Variants in UTP18 observed in about 807,000 individuals in gnomAD.
UTP18 encodes U3 small nucleolar RNA-associated protein 18 homolog.
Under a neutral mutation model 61.1 loss-of-function variants are expected in UTP18, and 36 were observed. The observed-to-expected ratio is 0.59, with a 90% confidence interval of 0.45 to 0.78. The LOEUF (loss-of-function observed/expected upper bound fraction) is 0.78, where lower values mean the gene tolerates loss of function less well. Among genes scored for constraint, UTP18 ranks in the 30% least tolerant of loss-of-function variants. The pLI is 0.00. For missense variants in UTP18, 753 were observed against 693.9 expected (o/e 1.09, Z -0.96); for synonymous variants, 282 against 251.1 (o/e 1.12, Z -1.16).
chr17:51,280,123 C>T lies in UTP18; in HGVS notation c.1113+18C>T. The stretch of plus-strand genomic sequence containing the variant: ...CAATGAAGGTAAAGCATTATTATTG[C>T]TTCTTGTTCTTCTCCCACAAGACAC... On this transcript the variant is annotated intron_variant, in intron 8 of 13. Coordinates refer to ENST00000225298, the MANE Select transcript of UTP18 (RefSeq NM_016001.3). The T allele has an allele frequency of 6.2e-7, 1 of 1,602,668 alleles. No homozygotes were observed. The highest frequency in any genetic ancestry group is 1.1e-5 in the South Asian group (1 of 90,102).
chr17:51,293,724 A>C (rs1905290444), intron 11 of UTP18, among the ~76,000 whole-genome samples, 179 bp from the exon 12 acceptor site: 1 of 152,190 alleles, frequency 6.6e-6, no homozygotes, highest in African/African-American at 2.4e-5. Flanking sequence ...AAAATAAAGT[A>C]ATAAAAAAAG....
rs1904704306 is a variant in UTP18 at position 51,275,887 on chromosome 17, A to G, written c.733A>G (p.Asn245Asp). 10 of 1,605,474 alleles carry G rather than the reference A, an allele frequency of 6.2e-6. No individual in the cohort carries two copies. The highest frequency in any genetic ancestry group is 1.3e-5 in the African/African-American group (1 of 74,412). ...ILKMKNCQHANAERPTVARIS... is the reference protein window; with the variant it reads ...ILKMKNCQHADAERPTVARIS... ...ATAGATGAAGAACTGCCAGCATGCG[A>G]ATGCTGAACGTCCTACTGTTGCTCG... is the stretch of plus-strand genomic sequence containing the variant. The change falls in exon 6 of 14, where the codon AAT (asparagine) becomes GAT (aspartate). Residue 245 changes from asparagine to aspartate, a missense_variant. Transcript: ENST00000225298.
intron 9 of UTP18, among the ~76,000 whole-genome samples, chr17:51,282,043 C>G (rs1904946602): frequency 6.6e-6 from 1 of 152,168 alleles, no homozygotes; most frequent in Non-Finnish European, 1.5e-5. Flanking sequence ...TCTGACTTCC[C>G]TAAGACTTGT....
chr17:51,280,040 T>A lies in UTP18; in HGVS notation c.1048T>A (p.Ser350Thr). The change falls in exon 8 of 14, where the codon TCC becomes ACC. Residue 350 changes from serine (S) to threonine (T), a missense_variant. Physicochemically the swap from Ser to Thr is moderately conservative, Grantham distance 58. Transcript: ENST00000225298. ...GAAGATAGTGAGGAGCTTTGAAGTC[T>A]CCCCAGATGGGTCCTTCTTGCTCAT... Reference protein sequence around the residue: ...KEKIVRSFEVSPDGSFLLING... With the variant: ...KEKIVRSFEVTPDGSFLLING... 1 of 1,613,926 alleles carries A rather than the reference T, an allele frequency of 6.2e-7. No homozygotes were observed. Among genetic ancestry groups the A allele is most frequent in the Non-Finnish European group, 8.5e-7 (1 of 1,179,914 alleles).
At chr17:51,269,807 T>G (rs1351766669) in intron 4 of UTP18, among the ~76,000 whole-genome samples, 1 of 151,992 alleles carries the variant, frequency 6.6e-6, no homozygotes, top group African/African-American at 2.4e-5. Flanking sequence ...CTTTTCTACA[T>G]TATCCTCTGC....
Position 51,272,513 on chromosome 17 carries a change from G to C in UTP18, c.623-849G>C, listed in dbSNP as rs544129362. Among the ~76,000 whole-genome samples, 6 of 152,008 alleles carry C rather than the reference G, an allele frequency of 3.9e-5. No homozygotes were observed. In the South Asian group the frequency reaches 1.0e-3, roughly 26 times the overall value. ...AAGTTATCTTGTCAATATTTGCCTGGTTATATTTCATTGAGTGGTGGACAT... is the reference window on the plus strand; with the variant it reads ...AAGTTATCTTGTCAATATTTGCCTGCTTATATTTCATTGAGTGGTGGACAT... On this transcript the variant is annotated intron_variant, in intron 4 of 13. Coordinates refer to ENST00000225298, the MANE Select transcript of UTP18 (RefSeq NM_016001.3).
At chr17:51,296,255 G>A (rs1905366289) in intron 12 of UTP18, 1 of 152,188 alleles carries the variant, frequency 6.6e-6, no homozygotes, top group Admixed American at 6.5e-5. Context: ...CTTGCTCCTT[G>A]TGTTGGTAGT....
intron 10 of UTP18, among the ~76,000 whole-genome samples, chr17:51,285,629 A>G (rs149375989): frequency 2.6e-5 from 4 of 152,336 alleles, no homozygotes; most frequent in Non-Finnish European, 5.9e-5. Flanking sequence ...TCTGAAATCT[A>G]TGTAAGATAT....
chr17:51,278,350 A>C (rs563284903), intron 7 of UTP18, among the ~76,000 whole-genome samples: 2 of 152,312 alleles, frequency 1.3e-5, no homozygotes, highest in South Asian at 4.1e-4. Flanking sequence ...AAAAGTCTTA[A>C]ACCATCTTCT....
intron 5 of UTP18, among the ~76,000 whole-genome samples, chr17:51,274,211 G>T (rs1041451933): frequency 1.3e-5 from 2 of 152,008 alleles, no homozygotes; most frequent in African/African-American, 4.8e-5. Flanking sequence ...AGTCCTAATG[G>T]CTAGCTCATT....
At position 51,266,247 on chromosome 17, in the gene UTP18, C is replaced by T. The variant is rs539214309; in HGVS notation, c.521C>T (p.Ser174Leu). 11 of 1,599,444 alleles carry T rather than the reference C, an allele frequency of 6.9e-6. No homozygotes were observed. The highest frequency in any genetic ancestry group is 2.7e-5 in the African/African-American group (2 of 74,084). The part of the protein sequence containing the change: ...MMKNASESKL[S>L]KDNLKKRLKE... Reference sequence around the variant, plus strand: ...AAAAATGCTAGTGAAAGTAAACTTTCGAAAGACAACCTTAAAAAGAGACTT... The same window carrying T: ...AAAAATGCTAGTGAAAGTAAACTTTTGAAAGACAACCTTAAAAAGAGACTT... Residue 174 changes from serine (S) to leucine (L), a missense_variant, in exon 3 of 14, where the codon TCG becomes TTG. Physicochemically the swap from Ser to Leu is moderately radical, Grantham distance 145. Coordinates refer to ENST00000225298, the MANE Select transcript of UTP18 (RefSeq NM_016001.3).
intron 1 of UTP18, among the ~76,000 whole-genome samples, chr17:51,263,008 C>T (rs562670700): frequency 6.6e-6 from 1 of 152,318 alleles, no homozygotes; most frequent in Non-Finnish European, 1.5e-5. Flanking sequence ...TCTTGTCTTA[C>T]TTGGTGTTTT....
At chr17:51,287,971 G>C (rs1905156447) in intron 10 of UTP18, 58 bp from the exon 11 acceptor site, 5 of 1,310,152 alleles carry the variant, frequency 3.8e-6, no homozygotes, top group Non-Finnish European at 5.1e-6. Flanking sequence ...TATTCACTTA[G>C]GTTGTGAAAG....
Position 51,280,047 on chromosome 17 carries a change from A to T in UTP18, c.1055A>T (p.Asp352Val), listed in dbSNP as rs1299555988. The T allele has an allele frequency of 6.2e-7, 1 of 1,613,916 alleles. No homozygotes were observed. Among genetic ancestry groups the T allele is most frequent in the African/African-American group, 1.3e-5 (1 of 74,918 alleles). Residue 352 changes from aspartate to valine, a missense_variant, in exon 8 of 14, where the codon GAT becomes GTT. Coordinates refer to ENST00000225298, the MANE Select transcript of UTP18 (RefSeq NM_016001.3). ...GTGAGGAGCTTTGAAGTCTCCCCAG[A>T]TGGGTCCTTCTTGCTCATAAATGGC... is the stretch of plus-strand genomic sequence containing the variant. ...KIVRSFEVSPDGSFLLINGIA... is the reference protein window; with the variant it reads ...KIVRSFEVSPVGSFLLINGIA...
chr17:51,277,858 C>T (rs961068217), intron 7 of UTP18, among the ~76,000 whole-genome samples: 2 of 152,068 alleles, frequency 1.3e-5, no homozygotes, highest in Non-Finnish European at 2.9e-5. Context: ...CCTATATTTC[C>T]CTGCTCCTTT....
chr17:51,266,349 C>T (rs939503490), intron 3 of UTP18, 69 bp downstream of exon 3: 53 of 1,080,712 alleles, frequency 4.9e-5, no homozygotes, highest in Admixed American at 2.5e-4. Flanking sequence ...TAACCGTAAC[C>T]GCTTCTTGTG....
intron 10 of UTP18, among the ~76,000 whole-genome samples, chr17:51,287,807 T>C (rs972639900): frequency 6.6e-6 from 1 of 152,218 alleles, no homozygotes; most frequent in Non-Finnish European, 1.5e-5. Flanking sequence ...CAGTAAAGTT[T>C]AGCCTTCAAG....
At chr17:51,294,772 C>G (rs984639248) in intron 12 of UTP18, among the ~76,000 whole-genome samples, 3 of 151,900 alleles carry the variant, frequency 2.0e-5, no homozygotes, top group African/African-American at 7.3e-5. Context: ...CCTGAGGAAT[C>G]GCCACACTGA....
At chr17:51,295,765 C>T (rs1178907938) in intron 12 of UTP18, among the ~76,000 whole-genome samples, 1 of 152,104 alleles carries the variant, frequency 6.6e-6, no homozygotes, top group Non-Finnish European at 1.5e-5. Context: ...ATGGGGATGG[C>T]ATTGAATCTA....
Sources: allele counts gnomAD v4.1 joint callset (sites outside exome capture counted in the v4.1 genomes callset), GRCh38; gene constraint gnomAD v4.1.1; transcripts MANE v1.5; gene names NCBI Gene and HGNC (gene_info 2026-07-23, HGNC 2026-07-21).